The following PCDH15 variants were observed in gnomAD, a reference collection of about 807,000 sequenced individuals.
PCDH15 encodes protocadherin-15.
Under a neutral mutation model 178.5 loss-of-function variants are expected in PCDH15, and 129 were observed. The ratio of observed to expected loss-of-function variants is 0.72; its 90% CI spans 0.63 to 0.84. The LOEUF is 0.84. PCDH15 is among the 40% of genes least tolerant of loss of function. The probability of loss-of-function intolerance (pLI) is 0.00; values close to 1 mark genes in which losing one functional copy is unlikely to be tolerated. For missense variants in PCDH15, 2,230 were observed against 2,099.9 expected (o/e 1.06, Z -1.21); for synonymous variants, 800 against 732.0 (o/e 1.09, Z -1.50).
intron 5 of PCDH15, among the ~76,000 whole-genome samples, chr10:54,357,735 G>A (rs1291773100): frequency 2.6e-5 from 4 of 152,112 alleles, no homozygotes; most frequent in Non-Finnish European, 4.4e-5. Flanking sequence ...CACAAAGCTG[G>A]AGGCATCACG....
chr10:55,214,870 C>T (rs1252474531), intron 1 of PCDH15, among the ~76,000 whole-genome samples: 2 of 151,998 alleles, frequency 1.3e-5, no homozygotes, highest in Admixed American at 6.6e-5. Flanking sequence ...AATAAAGACT[C>T]TCTGGCCTTC....
At chr10:55,429,010 T>TTGTG (rs1838822133) in intron 2 of PCDH15, among the ~76,000 whole-genome samples, 5 of 152,054 alleles carry the variant, frequency 3.3e-5, no homozygotes, top group Non-Finnish European at 7.4e-5. Context: ...TATTTTCTCC[T>TTGTG]CTCCAGGCTT....
At chr10:54,528,959 CAG>C (rs2083631492) in intron 2 of PCDH15, among the ~76,000 whole-genome samples, 1 of 151,956 alleles carries the variant, frequency 6.6e-6, no homozygotes, top group Non-Finnish European at 1.5e-5. Flanking sequence ...CTTTGTGAGG[CAG>C]AGAGGGCTAT....
intron 10 of PCDH15, among the ~76,000 whole-genome samples, chr10:54,212,117 C>T (rs907185059): frequency 3.9e-5 from 6 of 152,026 alleles, no homozygotes; most frequent in Admixed American, 3.9e-4. Context: ...TTTGGTTTCA[C>T]ATGTGACAGT....
chr10:54,177,723 T>C (rs11004121), intron 13 of PCDH15, among the ~76,000 whole-genome samples: 66,368 of 152,056 alleles, frequency 0.44, 16,159 homozygotes, highest in African/African-American at 0.63. Flanking sequence ...AAGGTGCCTA[T>C]CCTGCTGCCT....
intron 10 of PCDH15, among the ~76,000 whole-genome samples, chr10:54,198,448 TTC>T (rs1256089818): frequency 1.3e-5 from 2 of 151,616 alleles, no homozygotes; most frequent in South Asian, 2.1e-4. Flanking sequence ...ACAGATTTTT[TTC>T]TCTCTTTCTT....
intron 1 of PCDH15, among the ~76,000 whole-genome samples, chr10:55,280,578 C>T (rs1476479657): frequency 6.6e-6 from 1 of 151,154 alleles, no homozygotes; most frequent in Non-Finnish European, 1.5e-5. Context: ...CGTGAGCCAC[C>T]GTGCCAGGCC....
chr10:54,000,258 C>T (rs1284682711), intron 20 of PCDH15, among the ~76,000 whole-genome samples: 1 of 152,076 alleles, frequency 6.6e-6, no homozygotes, highest in Non-Finnish European at 1.5e-5. Context: ...ATACCCAACG[C>T]TTAAATGCCC....
At position 55,306,064 on chromosome 10, in the gene PCDH15, A is replaced by G. The variant is rs1034107092; in HGVS notation, c.-156+13535T>C. 7.9e-5 allele frequency among the ~76,000 whole-genome samples: 12 copies of G among 152,352 alleles called. No homozygotes were observed. The East Asian group carries it at 1.3e-3, about 17-fold the overall frequency. ...TTTACCAATAAAATGGCAATCATGT[A>G]TAATTTTAAATGTAAATGGTAGACC... is the stretch of plus-strand genomic sequence containing the variant. On this transcript the variant is annotated intron_variant, in intron 1 of 5. Transcript: ENST00000458638.
chr10:54,712,396 G>C (rs535316903), intron 1 of PCDH15, among the ~76,000 whole-genome samples: 1 of 151,826 alleles, frequency 6.6e-6, no homozygotes, highest in Non-Finnish European at 1.5e-5. Context: ...ACAACAAGCA[G>C]TAGAAGAGAC....
chr10:55,615,718 T>C (rs1000534460), intron 2 of PCDH15, among the ~76,000 whole-genome samples: 6 of 151,774 alleles, frequency 4.0e-5, no homozygotes, highest in African/African-American at 1.5e-4. Flanking sequence ...AAAATAAAAA[T>C]AAAAAATAAA....
At chr10:55,004,641 C>G (rs1839879549) in intron 2 of PCDH15, among the ~76,000 whole-genome samples, 1 of 152,078 alleles carries the variant, frequency 6.6e-6, no homozygotes, top group South Asian at 2.1e-4. Flanking sequence ...CATTTCTTCC[C>G]TCCTATATAA....
At chr10:54,804,087 G>A (rs879308258), upstream of PCDH15, among the ~76,000 whole-genome samples, 1 of 151,656 alleles carries the variant, frequency 6.6e-6, no homozygotes, top group African/African-American at 2.4e-5. Flanking sequence ...TCGCCCAGGC[G>A]GGAGTGCAGC....
chr10:54,252,405 GTTT>G (rs1189127019), intron 8 of PCDH15, among the ~76,000 whole-genome samples: 1 of 152,136 alleles, frequency 6.6e-6, no homozygotes, highest in Non-Finnish European at 1.5e-5. Flanking sequence ...TTAAAACTAT[GTTT>G]TCAAAGATTG....
intron 2 of PCDH15, among the ~76,000 whole-genome samples, chr10:54,595,080 C>T (rs1565693635): frequency 6.6e-6 from 1 of 152,204 alleles, no homozygotes; most frequent in Non-Finnish European, 1.5e-5. Context: ...ACAGCCACTA[C>T]TACAAACACC....
At chr10:54,517,550 G>C (rs2082361322) in intron 3 of PCDH15, among the ~76,000 whole-genome samples, 2 of 151,984 alleles carry the variant, frequency 1.3e-5, no homozygotes, top group African/African-American at 4.8e-5. Flanking sequence ...GGAGCACCCA[G>C]ATTCATAAAG....
chr10:53,888,307 T>TAC (rs2081266400), intron 26 of PCDH15, among the ~76,000 whole-genome samples: 3 of 75,612 alleles, frequency 4.0e-5, no homozygotes, highest in African/African-American at 9.2e-5. Context: ...TATATATATA[T>TAC]ATGTATATAT....
chr10:54,345,271 T>C (rs774083199), intron 6 of PCDH15, among the ~76,000 whole-genome samples: 13 of 152,146 alleles, frequency 8.5e-5, no homozygotes, highest in Non-Finnish European at 1.8e-4. Context: ...TCTCAGACTC[T>C]ACTATCCCAA....
intron 21 of PCDH15, among the ~76,000 whole-genome samples, chr10:53,981,038 A>G (rs2090596826): frequency 6.6e-6 from 1 of 152,196 alleles, no homozygotes; most frequent in Admixed American, 6.5e-5. Context: ...ATGGATATTT[A>G]CTCATATCTG....
Sources: gnomAD v4.1 joint callset for allele counts (sites outside exome capture counted in the v4.1 genomes callset) on GRCh38, gnomAD v4.1.1 for gene constraint, MANE v1.5 for transcripts, NCBI Gene and HGNC (gene_info 2026-07-23, HGNC 2026-07-21) for gene names.